Variants in NDST4 observed in about 807,000 individuals in gnomAD.
The protein encoded by NDST4 is N-heparan sulfate sulfotransferase 4.
Under a neutral mutation model 100.8 loss-of-function variants are expected in NDST4, and 63 were observed. The observed-to-expected ratio is 0.62, with a 90% CI of 0.51 to 0.77. The LOEUF (loss-of-function observed/expected upper bound fraction) is 0.77. Ranked by LOEUF, NDST4 falls within the 30% of genes least tolerant of loss-of-function variation. NDST4 has a pLI of 0.00. For missense variants in NDST4, 943 were observed against 1,018.4 expected (o/e 0.93, Z 1.01); for synonymous variants, 377 against 361.8 (o/e 1.04, Z -0.48).
At chr4:115,023,553 A>T (rs970184011) in intron 2 of NDST4, among the ~76,000 whole-genome samples, 5 of 152,090 alleles carry the variant, frequency 3.3e-5, no homozygotes, top group South Asian at 4.1e-4. Context: ...AACCTATGGA[A>T]ATAAAAAAAT....
chr4:114,833,231 A>T (rs1490303301), intron 12 of NDST4, among the ~76,000 whole-genome samples: 1 of 152,232 alleles, frequency 6.6e-6, no homozygotes. Flanking sequence ...TCTGTCCTAC[A>T]TATTGCATTT....
At chr4:114,862,013 A>G (rs1297715601) in intron 7 of NDST4, among the ~76,000 whole-genome samples, 1 of 152,146 alleles carries the variant, frequency 6.6e-6, no homozygotes, top group Non-Finnish European at 1.5e-5. Flanking sequence ...GTTAATAGTA[A>G]TTCTATGTCA....
At chr4:115,016,474 G>A (rs537079561) in intron 2 of NDST4, among the ~76,000 whole-genome samples, 3 of 152,144 alleles carry the variant, frequency 2.0e-5, no homozygotes, top group Non-Finnish European at 4.4e-5. Context: ...CTGATCTAAA[G>A]GTTTTATCTC....
chr4:115,106,333 A>G (rs1729832900), intron 1 of NDST4, among the ~76,000 whole-genome samples: 1 of 152,098 alleles, frequency 6.6e-6, no homozygotes, highest in African/African-American at 2.4e-5. Context: ...TAGTGTCATC[A>G]AACTTTTGGT....
At chr4:114,859,982 C>T (rs944470223) in intron 7 of NDST4, among the ~76,000 whole-genome samples, 3 of 152,198 alleles carry the variant, frequency 2.0e-5, no homozygotes, top group African/African-American at 7.2e-5. Flanking sequence ...AAAAGGCACT[C>T]TTGACTCAAA....
chr4:114,859,730 C>A (rs986262407), intron 7 of NDST4, among the ~76,000 whole-genome samples: 2 of 152,178 alleles, frequency 1.3e-5, no homozygotes, highest in Non-Finnish European at 2.9e-5. Context: ...GACCTGCTTG[C>A]CTCAAGGTGA....
intron 1 of NDST4, among the ~76,000 whole-genome samples, chr4:115,081,922 A>G (rs1466277087): frequency 6.6e-6 from 1 of 152,286 alleles, no homozygotes; most frequent in East Asian, 1.9e-4. Context: ...CCATCAAACC[A>G]AGTAAGTTAA....
chr4:114,877,117 A>C (rs1724272333), intron 6 of NDST4, among the ~76,000 whole-genome samples: 1 of 152,098 alleles, frequency 6.6e-6, no homozygotes, highest in Non-Finnish European at 1.5e-5. Context: ...TGGGCATAGG[A>C]ATTCAGAATC....
intron 7 of NDST4, among the ~76,000 whole-genome samples, chr4:114,868,440 AT>A (rs1192515884): frequency 3.3e-5 from 5 of 152,116 alleles, no homozygotes; most frequent in South Asian, 2.1e-4. Context: ...GTGAACTAGT[AT>A]TATGCACTTT....
At chr4:114,922,043 C>A (rs984572478) in intron 6 of NDST4, among the ~76,000 whole-genome samples, 5 of 152,166 alleles carry the variant, frequency 3.3e-5, no homozygotes, top group African/African-American at 1.2e-4. Flanking sequence ...ACCCCACCAC[C>A]CCCCACCGCC....
intron 6 of NDST4, among the ~76,000 whole-genome samples, chr4:114,877,481 C>T (rs939146660): frequency 1.3e-5 from 2 of 152,270 alleles, no homozygotes; most frequent in African/African-American, 2.4e-5. Context: ...TTTTAATTCT[C>T]TTGCAGCACT....
Position 114,870,908 on chromosome 4 carries a change from G to C in NDST4, c.1579C>G (p.Arg527Gly). Residue 527 changes from arginine (R) to glycine (G), a missense_variant, in exon 7 of 14, where the codon CGC becomes GGC. By Grantham distance (125) the Arg-to-Gly change is moderately radical. Around this residue, in one of 2 missense-constraint regions of NDST4, gnomAD observed 526 missense variants for 634.1 expected, o/e 0.83. Coordinates refer to ENST00000264363, the MANE Select transcript of NDST4 (RefSeq NM_022569.3). ...MTHLSNYGND[R>G]LGLYTFVNLV... ...TTCACAAAGGTATATAACCCTAGGC[G>C]GTCATTTCCATAGTTTGATAAATGG... 1 of 1,609,386 alleles carries C rather than the reference G, an allele frequency of 6.2e-7. No homozygotes were observed. The highest frequency in any genetic ancestry group is 8.5e-7 in the Non-Finnish European group (1 of 1,177,974).
intron 6 of NDST4, among the ~76,000 whole-genome samples, chr4:114,898,763 T>C (rs1296293049): frequency 6.6e-6 from 1 of 151,400 alleles, no homozygotes; most frequent in Non-Finnish European, 1.5e-5. Context: ...ATTAGAATTA[T>C]ACCTAAATAT....
chr4:115,039,880 T>C (rs1728314110), intron 2 of NDST4, among the ~76,000 whole-genome samples: 1 of 152,128 alleles, frequency 6.6e-6, no homozygotes, highest in South Asian at 2.1e-4. Context: ...CTGAGAATAA[T>C]AAAAGAGCTC....
intron 4 of NDST4, among the ~76,000 whole-genome samples, chr4:114,940,934 G>A (rs1725736809): frequency 6.6e-6 from 1 of 152,098 alleles, no homozygotes; most frequent in Admixed American, 6.6e-5. Flanking sequence ...CTCTGCCAGT[G>A]GTGGAGCCTG....
chr4:114,928,134 C>T (rs55720244), intron 6 of NDST4, among the ~76,000 whole-genome samples: 1 of 151,988 alleles, frequency 6.6e-6, no homozygotes, highest in Non-Finnish European at 1.5e-5. Flanking sequence ...TAACTAACTT[C>T]TTTCCTTGGC....
At chr4:115,037,877 T>G (rs1156579991) in intron 2 of NDST4, among the ~76,000 whole-genome samples, 1 of 152,066 alleles carries the variant, frequency 6.6e-6, no homozygotes, top group Non-Finnish European at 1.5e-5. Flanking sequence ...GAGTAAATAT[T>G]TGAAAAGAGT....
At chr4:114,900,442 A>C (rs535070216) in intron 6 of NDST4, among the ~76,000 whole-genome samples, 5 of 152,166 alleles carry the variant, frequency 3.3e-5, no homozygotes, top group African/African-American at 1.2e-4. Flanking sequence ...AATGGACTAC[A>C]TAACAGTGTT....
At chr4:114,937,767 A>G (rs1206821049) in intron 4 of NDST4, among the ~76,000 whole-genome samples, 3 of 151,900 alleles carry the variant, frequency 2.0e-5, no homozygotes, top group African/African-American at 7.3e-5. Flanking sequence ...TTGGGGGAAG[A>G]TAAGAAGTGA....
Sources: allele counts gnomAD v4.1 joint callset (sites outside exome capture counted in the v4.1 genomes callset), GRCh38; gene constraint gnomAD v4.1.1; regional missense constraint gnomAD v4.1.1; transcripts MANE v1.5; gene names NCBI Gene and HGNC (gene_info 2026-07-23, HGNC 2026-07-21).